TRIO: variants seen among roughly 807,000 people sequenced by gnomAD.
TRIO encodes triple functional domain protein.
A neutral mutation model predicts 351.9 loss-of-function variants in TRIO; 58 were observed. That is an observed-to-expected ratio of 0.16 (90% CI 0.13 to 0.21). The LOEUF is 0.21. Ranked by LOEUF, TRIO falls within the 10% of genes least tolerant of loss-of-function variation. The probability of loss-of-function intolerance (pLI) is 1.00; values close to 1 mark genes in which losing one functional copy is unlikely to be tolerated. For missense variants in TRIO, 3,201 were observed against 4,027.8 expected, an observed-to-expected ratio of 0.79 and a Z score of 5.56; for synonymous variants, 1,758 against 1,595.7, an observed-to-expected ratio of 1.10 and a Z score of -2.42.
chr5:14,397,078 G>A lies in TRIO; in HGVS notation c.4347G>A (p.Glu1449=), dbSNP rs1027220093. 22 of 1,609,434 alleles carry A rather than the reference G, an allele frequency of 1.4e-5. No individual in the cohort carries two copies. Among genetic ancestry groups the A allele is most frequent in the Non-Finnish European group, 1.9e-5 (22 of 1,178,672 alleles). Residue 1449 remains glutamate, a synonymous_variant, in exon 29 of 57, where the codon GAG becomes GAA. Transcript: ENST00000344204. ...CGTGCTGTGAGGAAGGAAAGGGAGA[G>A]ATTAAAGATGGCCTGGAGGTGATGC... is the stretch of plus-strand genomic sequence containing the variant. ...LLTCCEEGKG[E]IKDGLEVMLS...
chr5:14,300,944 T>G (rs564710190), intron 7 of TRIO, among the ~76,000 whole-genome samples: 91 of 152,194 alleles, frequency 6.0e-4, no homozygotes, highest in Non-Finnish European at 7.8e-4. Flanking sequence ...TAAGTCCAGC[T>G]TAGTGCCTGT....
intron 7 of TRIO, chr5:14,297,598 C>T (rs938652992): frequency 5.6e-5 from 11 of 195,958 alleles, no homozygotes; most frequent in Non-Finnish European, 1.2e-4. Context: ...CTCTTCTCTT[C>T]CCCTCCTCTC....
At chr5:14,264,126 TAA>T (rs1457216994) in intron 1 of TRIO, among the ~76,000 whole-genome samples, 3 of 152,210 alleles carry the variant, frequency 2.0e-5, no homozygotes, top group Admixed American at 2.0e-4. Flanking sequence ...CATCAAACCT[TAA>T]GAGTTCTACA....
Position 14,487,962 on chromosome 5 carries a change from C to A in TRIO, c.7334C>A (p.Pro2445Gln), listed in dbSNP as rs1300607085. The change falls in exon 48 of 57, where the codon CCG becomes CAG. Residue 2445 changes from proline to glutamine, a missense_variant. Around this residue, in one of 19 missense-constraint regions of TRIO, gnomAD observed 1,089 missense variants for 954.9 expected, o/e 1.14. Coordinates refer to ENST00000344204, the MANE Select transcript of TRIO (RefSeq NM_007118.4). ...KDARASLGTL[P>Q]LGKPRAGAAS... ...GCGCGCGCTAGCCTGGGCACCCTGC[C>A]GCTTGGGAAGCCCCGGGCCGGGGCC... 6.4e-7 allele frequency: 1 copy of A among 1,551,096 alleles called. No homozygotes were observed. Among genetic ancestry groups the A allele is most frequent in the Non-Finnish European group, 8.7e-7 (1 of 1,148,198 alleles).
chr5:14,230,875 GT>G (rs1793375777), intron 1 of TRIO, among the ~76,000 whole-genome samples: 1 of 152,172 alleles, frequency 6.6e-6, no homozygotes, highest in Non-Finnish European at 1.5e-5. Context: ...CTTATTGATT[GT>G]TTTTTGAGCT....
intron 28 of TRIO, among the ~76,000 whole-genome samples, chr5:14,396,210 T>TA (rs1461130712): frequency 3.3e-5 from 5 of 152,028 alleles, no homozygotes; most frequent in African/African-American, 1.2e-4. Context: ...AGAGCTTTTC[T>TA]AAACATCCTA....
At chr5:14,227,654 C>T (rs1210338884) in intron 1 of TRIO, among the ~76,000 whole-genome samples, 1 of 152,112 alleles carries the variant, frequency 6.6e-6, no homozygotes, top group Non-Finnish European at 1.5e-5. Context: ...ACATGTAGAG[C>T]CCCAGAGTGT....
intron 11 of TRIO, among the ~76,000 whole-genome samples, chr5:14,353,403 C>G (rs1743317032): frequency 6.6e-6 from 1 of 151,732 alleles, no homozygotes; most frequent in Non-Finnish European, 1.5e-5. Context: ...GCTGGGACTA[C>G]ATGTGTGTGC....
At chr5:14,401,801 C>T (rs78293583) in intron 31 of TRIO, among the ~76,000 whole-genome samples, 4,654 of 152,222 alleles carry the variant, frequency 0.031, 251 homozygotes, top group African/African-American at 0.11. Context: ...ATGCCATCAG[C>T]GGCTTTGGGA....
At position 14,162,337 on chromosome 5, in the gene TRIO, AAGG is replaced by A. The variant is rs553729596; in HGVS notation, c.157+18458_157+18460del. Reference sequence around the variant, plus strand: ...GCCATAGAGATATTGTGTAGTGTTGAAGGAGATTAGAGAAATCATGTCGTAAAT... The same window carrying A: ...GCCATAGAGATATTGTGTAGTGTTGAAGATTAGAGAAATCATGTCGTAAAT... On this transcript the variant is annotated intron_variant, in intron 1 of 56. Transcript: ENST00000344204. Among the ~76,000 whole-genome samples, 28 of 152,318 alleles carry A rather than the reference AAGG, an allele frequency of 1.8e-4. No individual in the cohort carries two copies. In the South Asian group the frequency reaches 5.8e-3, roughly 32 times the overall value.
intron 21 of TRIO, among the ~76,000 whole-genome samples, chr5:14,384,341 G>A (rs1392654256): frequency 1.3e-5 from 2 of 152,176 alleles, no homozygotes; most frequent in African/African-American, 4.8e-5. Context: ...TTCTGTCTAA[G>A]AAAATGATGA....
chr5:14,271,434 T>C (rs2152270047), intron 2 of TRIO, among the ~76,000 whole-genome samples: 1 of 152,306 alleles, frequency 6.6e-6, no homozygotes, highest in East Asian at 1.9e-4. Flanking sequence ...TCTGTTTCCC[T>C]GTAGACCCAG....
intron 40 of TRIO, 132 bp from the exon 41 acceptor site, chr5:14,476,762 C>T (rs1338071409): frequency 7.0e-6 from 5 of 718,382 alleles, no homozygotes; most frequent in African/African-American, 3.6e-5. Context: ...CCACTGCACT[C>T]CAGCCTAGGT....
chr5:14,344,089 A>G (rs761085612), intron 11 of TRIO, among the ~76,000 whole-genome samples: 11 of 152,232 alleles, frequency 7.2e-5, no homozygotes, highest in Non-Finnish European at 1.2e-4. Context: ...ATATGCTTTT[A>G]CACATTTGAT....
intron 33 of TRIO, among the ~76,000 whole-genome samples, chr5:14,408,536 T>G (rs756091350): frequency 6.6e-6 from 1 of 152,248 alleles, no homozygotes; most frequent in Non-Finnish European, 1.5e-5. Flanking sequence ...CCTGATAGCA[T>G]TTCTCTCCGA....
At chr5:14,244,079 TA>T (rs1430386910) in intron 1 of TRIO, among the ~76,000 whole-genome samples, 1 of 152,210 alleles carries the variant, frequency 6.6e-6, no homozygotes, top group Non-Finnish European at 1.5e-5. Flanking sequence ...TTGCTTAAAA[TA>T]AGGAAAGTAA....
At chr5:14,175,919 A>G (rs549142942) in intron 1 of TRIO, among the ~76,000 whole-genome samples, 1 of 152,382 alleles carries the variant, frequency 6.6e-6, no homozygotes, top group South Asian at 2.1e-4. Context: ...CTTTGCATCA[A>G]TACTGATTTG....
At chr5:14,381,505 C>T (rs1014731471) in intron 21 of TRIO, among the ~76,000 whole-genome samples, 2 of 152,178 alleles carry the variant, frequency 1.3e-5, no homozygotes, top group African/African-American at 4.8e-5. Context: ...CTTGTCCTTC[C>T]CATTATTCCC....
chr5:14,157,446 T>C (rs914780846), intron 1 of TRIO, among the ~76,000 whole-genome samples: 2 of 148,038 alleles, frequency 1.4e-5, no homozygotes, highest in Non-Finnish European at 3.0e-5. Context: ...TGTCTCCCTC[T>C]CTCTCCCTGT....
Sources: allele counts gnomAD v4.1 joint callset (sites outside exome capture counted in the v4.1 genomes callset), GRCh38; gene constraint gnomAD v4.1.1; regional missense constraint gnomAD v4.1.1; transcripts MANE v1.5; gene names NCBI Gene and HGNC (gene_info 2026-07-23, HGNC 2026-07-21).